PCDHA7: variants seen among roughly 807,000 people sequenced by gnomAD.
PCDHA7 encodes the protein protocadherin alpha-7.
Under a neutral mutation model 57.2 loss-of-function variants are expected in PCDHA7, and 37 were observed. The observed-to-expected ratio is 0.65, with a 90% CI of 0.50 to 0.85. The LOEUF is 0.85. Ranked by LOEUF, PCDHA7 falls within the 40% of genes least tolerant of loss-of-function variation. The pLI is 0.00. For synonymous variants in PCDHA7, 553 were observed against 558.8 expected (o/e 0.99, Z 0.15); for missense variants, 1,188 against 1,241.8 (o/e 0.96, Z 0.65).
chr5:140,845,723 T>A (rs1461937173), intron 1 of PCDHA7, among the ~76,000 whole-genome samples: 7 of 149,666 alleles, frequency 4.7e-5, no homozygotes, highest in African/African-American at 1.5e-4. Context: ...GCATGATAAA[T>A]GTGAATTCTA....
intron 1 of PCDHA7, chr5:140,882,051 A>T: frequency 1.3e-6 from 1 of 757,670 alleles, no homozygotes; most frequent in Non-Finnish European, 2.0e-6. Flanking sequence ...AGTCATACTT[A>T]CACTTACACG....
chr5:140,973,390 AATC>A (rs1554235235), intron 1 of PCDHA7, among the ~76,000 whole-genome samples: 1 of 152,224 alleles, frequency 6.6e-6, no homozygotes, highest in East Asian at 1.9e-4. Context: ...TAGACAAAGA[AATC>A]ATATCTATGA....
intron 1 of PCDHA7, chr5:140,884,210 C>G: frequency 6.2e-7 from 1 of 1,613,532 alleles, no homozygotes; most frequent in South Asian, 1.1e-5. Context: ...CCACCGCCTT[C>G]TGGTGCTGGT....
chr5:140,984,505 TGATGCATGAGTCACA>T (rs2097106604), intron 3 of PCDHA7, among the ~76,000 whole-genome samples: 1 of 152,206 alleles, frequency 6.6e-6, no homozygotes, highest in African/African-American at 2.4e-5. Context: ...GCCTGGCTGC[TGATGCATGAGTCACA>T]GTCTTCATGG....
At chr5:140,895,709 A>G (rs763607157) in intron 1 of PCDHA7, among the ~76,000 whole-genome samples, 2 of 152,208 alleles carry the variant, frequency 1.3e-5, no homozygotes, top group African/African-American at 2.4e-5. Flanking sequence ...CACTTGGGAT[A>G]ATGGCCTGCA....
chr5:140,870,632 A>G, intron 1 of PCDHA7: 1 of 1,612,930 alleles, frequency 6.2e-7, no homozygotes, highest in Non-Finnish European at 8.5e-7. Flanking sequence ...GTGTCGGTGC[A>G]CGCGGAGAGC....
chr5:140,856,356 T>A lies in PCDHA7; in HGVS notation c.2355+19618T>A, dbSNP rs782497272. ...TGCGGGCGGAGCGTGGAGTGCAGCA[T>A]CCACCTGGAGGTGATCGTGGACAGG... On this transcript the variant is annotated intron_variant, in intron 1 of 3. Coordinates refer to ENST00000525929, the MANE Select transcript of PCDHA7 (RefSeq NM_018910.3). 3 of 1,598,530 alleles carry A rather than the reference T, an allele frequency of 1.9e-6. 1 individual carries two copies. Among genetic ancestry groups the A allele is most frequent in the South Asian group, 2.2e-5 (2 of 90,522 alleles).
chr5:140,915,488 C>T (rs2077146969), intron 1 of PCDHA7, among the ~76,000 whole-genome samples: 1 of 152,126 alleles, frequency 6.6e-6, no homozygotes, highest in Non-Finnish European at 1.5e-5. Flanking sequence ...GGGCCTCAAT[C>T]CCAATAATAC....
intron 1 of PCDHA7, chr5:140,876,170 T>C (rs781910243): frequency 6.2e-7 from 1 of 1,613,982 alleles, no homozygotes; most frequent in African/African-American, 1.3e-5. Context: ...ATAACCGTCC[T>C]GGATGTGAAT....
intron 1 of PCDHA7, chr5:140,841,611 G>C (rs2150319293): frequency 6.2e-7 from 1 of 1,614,018 alleles, no homozygotes. Context: ...GAGCTGTGCG[G>C]GCGGAGCGCG....
chr5:140,903,840 T>C (rs2070655374), intron 1 of PCDHA7, among the ~76,000 whole-genome samples: 1 of 152,196 alleles, frequency 6.6e-6, no homozygotes, highest in African/African-American at 2.4e-5. Flanking sequence ...GGTATTTTCA[T>C]TTATCTTAAC....
At chr5:140,844,980 T>A (rs1294725594) in intron 1 of PCDHA7, among the ~76,000 whole-genome samples, 1 of 149,336 alleles carries the variant, frequency 6.7e-6, no homozygotes, top group African/African-American at 2.5e-5. Flanking sequence ...AGTATTGTTT[T>A]AAATCTTTTA....
At chr5:140,877,178 C>A (rs370071106) in intron 1 of PCDHA7, 34 of 1,613,676 alleles carry the variant, frequency 2.1e-5, no homozygotes, top group Middle Eastern at 1.7e-4. Context: ...CTGGCGACTC[C>A]GGCTGGCAGC....
In PCDHA7 at chr5:141,000,327, C is replaced by G. The variant is rs555445425; in HGVS notation, c.2504-9300C>G. On this transcript the variant is annotated intron_variant, in intron 3 of 3. Coordinates refer to ENST00000525929, the MANE Select transcript of PCDHA7 (RefSeq NM_018910.3). ...GAGTTCAAGACCAGCTTGGGCAACA[C>G]AGCAAGGCCCTATCTCTCTCTCTGT... is the stretch of plus-strand genomic sequence containing the variant. 3.5e-5 allele frequency among the ~76,000 whole-genome samples: 5 copies of G among 144,706 alleles called. No homozygotes were observed. The South Asian group carries it at 1.1e-3, about 32-fold the overall frequency. 94.9% of individuals were successfully genotyped at this position (144,706 alleles called of 152,430 possible). A position where few individuals can be genotyped will look rare whatever the true frequency, so the allele number is the denominator to read the frequency against.
chr5:140,875,771 C>A (rs182160950), intron 1 of PCDHA7: 3 of 1,614,080 alleles, frequency 1.9e-6, no homozygotes, highest in Non-Finnish European at 2.5e-6. Context: ...GGGCGGAGCG[C>A]GGAGTGCAGT....
intron 1 of PCDHA7, among the ~76,000 whole-genome samples, chr5:140,946,992 A>G (rs1393633852): frequency 6.6e-6 from 1 of 151,790 alleles, no homozygotes; most frequent in Non-Finnish European, 1.5e-5. Context: ...TGAGTGTTCT[A>G]ACTTCAAAGA....
intron 1 of PCDHA7, among the ~76,000 whole-genome samples, chr5:140,976,407 C>T (rs781867787): frequency 1.1e-4 from 17 of 151,868 alleles, no homozygotes; most frequent in Non-Finnish European, 2.1e-4. Flanking sequence ...AAAAATTAGC[C>T]AGGTACGGTG....
chr5:140,852,764 A>T (rs1488234251), intron 1 of PCDHA7: 1 of 983,098 alleles, frequency 1.0e-6, no homozygotes, highest in Non-Finnish European at 1.2e-6. Flanking sequence ...CAGGTATCTG[A>T]TTATTTGATG....
chr5:140,883,504 C>A, intron 1 of PCDHA7: 1 of 1,614,172 alleles, frequency 6.2e-7, no homozygotes, highest in Non-Finnish European at 8.5e-7. Context: ...TGGACAGCGC[C>A]CTGGACCGCG....
Sources: gnomAD v4.1 joint callset for allele counts (sites outside exome capture counted in the v4.1 genomes callset) on GRCh38, gnomAD v4.1.1 for gene constraint, MANE v1.5 for transcripts, NCBI Gene and HGNC (gene_info 2026-07-23, HGNC 2026-07-21) for gene names.